TEX14: variants seen among roughly 807,000 people sequenced by gnomAD.
TEX14 encodes the protein testis expressed 14, intercellular bridge forming factor.
In TEX14, 168 loss-of-function variants were observed where a neutral mutation model predicts 178.6. That is an observed-to-expected ratio of 0.94 (90% CI 0.83 to 1.07). The LOEUF (loss-of-function observed/expected upper bound fraction) is 1.07. Ranked by LOEUF, TEX14 falls within the 50% of genes least tolerant of loss-of-function variation. The pLI is 0.00. For missense variants in TEX14, 1,730 were observed against 1,753.6 expected (o/e 0.99, Z 0.24); for synonymous variants, 626 against 634.1 (o/e 0.99, Z 0.19).
intron 1 of TEX14, among the ~76,000 whole-genome samples, chr17:58,672,266 C>T (rs1567770345): frequency 6.6e-6 from 1 of 152,138 alleles, no homozygotes; most frequent in Admixed American, 6.6e-5. Flanking sequence ...ATGCTCCTTC[C>T]AGGGGGTTGG....
intron 13 of TEX14, among the ~76,000 whole-genome samples, chr17:58,600,638 ATGC>A (rs980863532): frequency 6.6e-6 from 1 of 151,934 alleles, no homozygotes; most frequent in African/African-American, 2.4e-5. Flanking sequence ...TAAAAAATTT[ATGC>A]TAGGATTGAC....
chr17:58,676,303 G>C (rs1333954024), intron 1 of TEX14, among the ~76,000 whole-genome samples: 3 of 152,006 alleles, frequency 2.0e-5, no homozygotes, highest in Non-Finnish European at 4.4e-5. Context: ...TTGAACCCTG[G>C]GGGCAGAGGT....
intron 26 of TEX14, among the ~76,000 whole-genome samples, chr17:58,567,148 C>G (rs771924606): frequency 6.6e-6 from 1 of 152,078 alleles, no homozygotes; most frequent in South Asian, 2.1e-4. Context: ...GCCTGGGCAA[C>G]AAGAGTGAAA....
At chr17:58,585,718 G>A in intron 18 of TEX14, 83 bp downstream of exon 18, 1 of 1,335,724 alleles carries the variant, frequency 7.5e-7, no homozygotes, top group Non-Finnish European at 1.0e-6. Flanking sequence ...ACCTCCCAAA[G>A]TGCTGGAATT....
At chr17:58,623,598 G>A (rs1451032592) in intron 3 of TEX14, among the ~76,000 whole-genome samples, 1 of 152,132 alleles carries the variant, frequency 6.6e-6, no homozygotes, top group Non-Finnish European at 1.5e-5. Context: ...AGACATGAAG[G>A]GACAGCCTTT....
chr17:58,565,641 T>A, intron 27 of TEX14, 106 bp downstream of exon 27: 1 of 721,856 alleles, frequency 1.4e-6, no homozygotes, highest in Admixed American at 2.3e-5. Flanking sequence ...AGACTTGAGG[T>A]GGAGTTGTGC....
intron 8 of TEX14, 124 bp from the exon 9 acceptor site, chr17:58,613,668 C>T: frequency 1.0e-6 from 1 of 986,652 alleles, no homozygotes; most frequent in Non-Finnish European, 1.4e-6. Flanking sequence ...CTTTTCTTTT[C>T]TTTTTTTTTT....
intron 17 of TEX14, among the ~76,000 whole-genome samples, chr17:58,586,749 A>C (rs770374427): frequency 6.6e-6 from 1 of 151,964 alleles, no homozygotes; most frequent in East Asian, 1.9e-4. Context: ...AAAAAAAAAA[A>C]CAATCAATTC....
chr17:58,574,904 G>C (rs1279169327), intron 21 of TEX14, among the ~76,000 whole-genome samples: 1 of 151,944 alleles, frequency 6.6e-6, no homozygotes, highest in African/African-American at 2.4e-5. Flanking sequence ...TGGAGCAAAG[G>C]GGCACAGCCA....
In TEX14 at chr17:58,584,583, G is replaced by C. The variant is rs750676746; in HGVS notation, c.3088C>G (p.Pro1030Ala). 3 of 1,613,920 alleles carry C rather than the reference G, an allele frequency of 1.9e-6. No homozygotes were observed. Among genetic ancestry groups the C allele is most frequent in the African/African-American group, 1.3e-5 (1 of 75,030 alleles). The change falls in exon 19 of 32, where the codon CCC (proline) becomes GCC (alanine). Residue 1030 changes from proline (P) to alanine (A), a missense_variant. Coordinates refer to ENST00000349033, the MANE Select transcript of TEX14 (RefSeq NM_031272.5). ...GSFTSIRHPSPRQKEQPEHSE... is the reference protein window; with the variant it reads ...GSFTSIRHPSARQKEQPEHSE... ...TGCTCTGGTTGCTCCTTTTGTCTGG[G>C]AGATGGGTGCCTGATACCTAATGAT...
chr17:58,573,417 G>A, intron 22 of TEX14, 109 bp from the exon 23 acceptor site: 2 of 968,570 alleles, frequency 2.1e-6, no homozygotes, highest in East Asian at 2.5e-5. Flanking sequence ...TTTGTATGTG[G>A]CAATAGGCCA....
At chr17:58,568,315 G>T (rs2044446203) in intron 26 of TEX14, among the ~76,000 whole-genome samples, 1 of 151,582 alleles carries the variant, frequency 6.6e-6, no homozygotes, top group Admixed American at 6.6e-5. Context: ...AGTTCATCAG[G>T]CCAAGGGACA....
intron 1 of TEX14, among the ~76,000 whole-genome samples, chr17:58,654,577 G>C (rs974053622): frequency 1.4e-5 from 2 of 147,774 alleles, no homozygotes; most frequent in Non-Finnish European, 3.0e-5. Flanking sequence ...CACGATCTCA[G>C]CTCACTGCAA....
chr17:58,606,297 G>A (rs956757646), intron 10 of TEX14, among the ~76,000 whole-genome samples: 1 of 152,142 alleles, frequency 6.6e-6, no homozygotes, highest in Non-Finnish European at 1.5e-5. Context: ...GCCATAAAGC[G>A]CTCTTTCATG....
At chr17:58,666,458 C>CAAACAAAAAA (rs1555583923) in intron 1 of TEX14, 17 of 36,834 alleles carry the variant, frequency 4.6e-4, no homozygotes, top group South Asian at 2.2e-3. Context: ...CCTTCCACGG[C>CAAACAAAAAA]AAAAAAAAAA....
In TEX14 at chr17:58,585,392, C is replaced by CA. The variant is rs935807499; in HGVS notation, c.3070+408dup. Among the ~76,000 whole-genome samples, 21 of 151,184 alleles carry CA rather than the reference C, an allele frequency of 1.4e-4. No homozygotes were observed. The South Asian group carries it at 1.5e-3, about 11-fold the overall frequency. ...AGTAGGAAAGGAGAGAGGACCAAACCAAAAAAAATATGCTGGAAAGTTTAC... is the reference window on the plus strand; with the variant it reads ...AGTAGGAAAGGAGAGAGGACCAAACCAAAAAAAAATATGCTGGAAAGTTTAC... On this transcript the variant is annotated intron_variant, in intron 18 of 31. Coordinates refer to ENST00000349033, the MANE Select transcript of TEX14 (RefSeq NM_031272.5).
rs188996794 is a variant in TEX14, at chr17:58,588,379, C to T, written c.2577-358G>A. Among the ~76,000 whole-genome samples, 1,212 of 152,272 alleles carry T rather than the reference C, an allele frequency of 8.0e-3. 58 individuals are homozygous for T. Among genetic ancestry groups the T allele is most frequent in the Admixed American group, 0.073 (1,115 of 15,278 alleles). On this transcript the variant is annotated intron_variant, in intron 15 of 31. Coordinates refer to ENST00000349033, the MANE Select transcript of TEX14 (RefSeq NM_031272.5). The stretch of plus-strand genomic sequence containing the variant: ...TACGACCTCAGCTCACTGCAACCTC[C>T]GCCTCCTGGGTTCAAGCAATTCTCA...
chr17:58,621,888 A>G (rs1448182314), intron 4 of TEX14, 102 bp from the exon 5 acceptor site: 12 of 1,328,584 alleles, frequency 9.0e-6, no homozygotes, highest in East Asian at 7.2e-5. Context: ...AGAGCCCCCA[A>G]CAGAAAAACC....
intron 1 of TEX14, chr17:58,675,562 A>T (rs191436658): frequency 1.3e-5 from 2 of 152,328 alleles, no homozygotes; most frequent in African/African-American, 4.8e-5. Context: ...GGCTCTTTCT[A>T]AAAATCAAAC....
Sources: gnomAD v4.1 joint callset for allele counts (sites outside exome capture counted in the v4.1 genomes callset) on GRCh38, gnomAD v4.1.1 for gene constraint, MANE v1.5 for transcripts, NCBI Gene and HGNC (gene_info 2026-07-23, HGNC 2026-07-21) for gene names.